Variants in ZNF488 observed in about 807,000 individuals in gnomAD.
The protein encoded by ZNF488 is zinc finger protein 488.
Under a neutral mutation model 1.2 loss-of-function variants are expected in ZNF488, and 1 was observed. The observed-to-expected ratio is 0.86, with a 90% CI of 0.30 to 4.07. ZNF488 has a LOEUF of 4.07. Among genes scored for constraint, ZNF488 ranks in the 30% most tolerant of loss-of-function variants. ZNF488 has a pLI of 0.18. For missense variants in ZNF488, 450 were observed against 437.9 expected (o/e 1.03, Z -0.25); for synonymous variants, 185 against 190.1 (o/e 0.97, Z 0.22).
intron 1 of ZNF488, among the ~76,000 whole-genome samples, chr10:47,369,926 T>A (rs1837403173): frequency 6.6e-6 from 1 of 152,180 alleles, no homozygotes; most frequent in Admixed American, 6.5e-5. Flanking sequence ...CACCTTCACA[T>A]CTGTAGTACT....
At position 47,366,758 on chromosome 10, in the gene ZNF488, G is replaced by A. The variant is rs1555212858; in HGVS notation, c.*1049C>T. On this transcript the variant is annotated 3_prime_UTR_variant, in exon 2 of 2. Transcript: ENST00000585316. ...AGAATGCTCCCCAGCCTCACGATCTGGAAGCCTAGTTTTTGCACATGTCCT... is the reference window on the plus strand; with the variant it reads ...AGAATGCTCCCCAGCCTCACGATCTAGAAGCCTAGTTTTTGCACATGTCCT... 1 of 167,060 alleles carries A rather than the reference G, an allele frequency of 6.0e-6. No individual in the cohort carries two copies. Among genetic ancestry groups the A allele is most frequent in the Non-Finnish European group, 1.5e-5 (1 of 68,116 alleles). 10.3% of individuals were successfully genotyped at this position (167,060 alleles called of 1,614,324 possible). A position where few individuals can be genotyped will look rare whatever the true frequency, so the allele number is the denominator to read the frequency against.
intron 1 of ZNF488, among the ~76,000 whole-genome samples, chr10:47,378,159 C>T (rs1837764525): frequency 1.3e-5 from 2 of 152,232 alleles, no homozygotes; most frequent in South Asian, 4.1e-4. Flanking sequence ...GATCCACTCG[C>T]TTCTCTGCTC....
At position 47,367,785 on chromosome 10, in the gene ZNF488, C is replaced by T; in HGVS notation, c.*22G>A. On this transcript the variant is annotated 3_prime_UTR_variant, in exon 2 of 2. Transcript: ENST00000585316. ...GCCAAAGGCTGGCTGCTGCACCCAG[C>T]AGGTCATTCTGCGGTCACCTGCTAG... The T allele has an allele frequency of 6.3e-7, 1 of 1,590,696 alleles. No individual in the cohort carries two copies. The highest frequency in any genetic ancestry group is 8.6e-7 in the Non-Finnish European group (1 of 1,168,778).
intron 1 of ZNF488, among the ~76,000 whole-genome samples, chr10:47,377,399 T>G (rs1179481517): frequency 6.6e-6 from 1 of 152,156 alleles, no homozygotes; most frequent in Non-Finnish European, 1.5e-5. Context: ...CATAACCTTC[T>G]AATTAATTCC....
In ZNF488 at chr10:47,368,513, G is replaced by C. The variant is rs12251609; in HGVS notation, c.317C>G (p.Pro106Arg). 7 of 1,613,704 alleles carry C rather than the reference G, an allele frequency of 4.3e-6. No individual in the cohort carries two copies. Among genetic ancestry groups the C allele is most frequent in the Admixed American group, 3.3e-5 (2 of 60,002 alleles). The stretch of plus-strand genomic sequence containing the variant: ...ATCCACCTGCCGGTCCTTCATCCTC[G>C]GCAGCTCCGTGAAGGCGCTCTGCCT... Reference protein sequence around the residue: ...EQRQSAFTELPRMKDRQVDAQ... With the variant: ...EQRQSAFTELRRMKDRQVDAQ... Residue 106 changes from proline (P) to arginine (R), a missense_variant, in exon 2 of 2, where the codon CCG (proline) becomes CGG (arginine). Physicochemically the swap from Pro to Arg is moderately radical, Grantham distance 103. Transcript: ENST00000585316.
chr10:47,367,748 G>A lies in ZNF488; in HGVS notation c.*59C>T. 1.9e-6 allele frequency: 3 copies of A among 1,547,152 alleles called. No individual in the cohort carries two copies. Among genetic ancestry groups the A allele is most frequent in the Non-Finnish European group, 2.6e-6 (3 of 1,146,724 alleles). The stretch of plus-strand genomic sequence containing the variant: ...ACAGCCCCCTCAACGCAGGCCCAGG[G>A]AGCCCCCCTCTGCCAAAGGCTGGCT... On this transcript the variant is annotated 3_prime_UTR_variant, in exon 2 of 2. Coordinates refer to ENST00000585316, the MANE Select transcript of ZNF488 (RefSeq NM_153034.4).
intron 1 of ZNF488, among the ~76,000 whole-genome samples, chr10:47,375,543 A>AT (rs1313363522): frequency 6.6e-6 from 1 of 152,244 alleles, no homozygotes; most frequent in Non-Finnish European, 1.5e-5. Flanking sequence ...TTAAACTGAA[A>AT]TTTTTGTCTT....
In ZNF488 at chr10:47,368,579, C is replaced by A. The variant is rs782281616; in HGVS notation, c.251G>T (p.Arg84Leu). 9 of 1,611,156 alleles carry A rather than the reference C, an allele frequency of 5.6e-6. No individual in the cohort carries two copies. The African/African-American group carries it at 1.1e-4, about 19-fold the overall frequency. ...CTTCGGGGGCAGCGGCTTGCCAGGT[C>A]GGGGCTTGCCTGGGGCTACCAACAG... ...LALLVAPGKP[R>L]PGKPLPPKTR... Residue 84 changes from arginine (R) to leucine (L), a missense_variant, in exon 2 of 2, where the codon CGA becomes CTA. Transcript: ENST00000585316.
chr10:47,375,384 C>T (rs527743131), intron 1 of ZNF488, among the ~76,000 whole-genome samples: 1 of 152,230 alleles, frequency 6.6e-6, no homozygotes, highest in Non-Finnish European at 1.5e-5. Flanking sequence ...CCTCATGCCA[C>T]ATCCAGGGAT....
At chr10:47,382,296 T>C (rs1312028865) in intron 1 of ZNF488, among the ~76,000 whole-genome samples, 1 of 152,258 alleles carries the variant, frequency 6.6e-6, no homozygotes, top group Non-Finnish European at 1.5e-5. Context: ...AAAAAGTCCA[T>C]GATTTTACCT....
At chr10:47,379,498 T>C (rs74576053) in intron 1 of ZNF488, among the ~76,000 whole-genome samples, 13,913 of 121,942 alleles carry the variant, frequency 0.11, 447 homozygotes, top group South Asian at 0.15. Flanking sequence ...CTGGGGACCT[T>C]TCATCCCACC....
In ZNF488 at chr10:47,368,200, G is replaced by A. The variant is rs782809005; in HGVS notation, c.630C>T (p.Pro210=). Residue 210 remains proline (P), a synonymous_variant, in exon 2 of 2, where the codon CCC becomes CCT. Coordinates refer to ENST00000585316, the MANE Select transcript of ZNF488 (RefSeq NM_153034.4). The stretch of plus-strand genomic sequence containing the variant: ...TCCACAAATCACCAACCAAAAGCTT[G>A]GGAGTTGAAAGTCGACCCCAACAAG... ...DLACWGRLST[P]KLLVGDLWNL... 5.0e-6 allele frequency: 8 copies of A among 1,614,194 alleles called. No individual in the cohort carries two copies. The highest frequency in any genetic ancestry group is 6.8e-6 in the Non-Finnish European group (8 of 1,180,038).
intron 1 of ZNF488, among the ~76,000 whole-genome samples, chr10:47,376,565 T>A (rs1290502040): frequency 1.3e-5 from 2 of 152,082 alleles, no homozygotes; most frequent in Non-Finnish European, 2.9e-5. Flanking sequence ...TGACATCCAT[T>A]TGCACTCATA....
intron 1 of ZNF488, among the ~76,000 whole-genome samples, chr10:47,383,324 G>C (rs1401350586): frequency 1.3e-5 from 2 of 152,302 alleles, no homozygotes; most frequent in African/African-American, 4.8e-5. Context: ...GAAATTTACT[G>C]TTAATTTCTT....
intron 1 of ZNF488, among the ~76,000 whole-genome samples, 152 bp from the exon 2 acceptor site, chr10:47,369,089 A>G (rs1326574995): frequency 2.6e-5 from 4 of 152,206 alleles, no homozygotes; most frequent in Non-Finnish European, 5.9e-5. Flanking sequence ...TCAGGAGACA[A>G]GGAGCATGGA....
rs149252316 is a variant in ZNF488, at chr10:47,368,703, G to A, written c.127C>T (p.Arg43Trp). The change falls in exon 2 of 2, where the codon CGG becomes TGG. Residue 43 changes from arginine (R) to tryptophan (W), a missense_variant. Arg to Trp is a moderately radical substitution (Grantham distance 101). Coordinates refer to ENST00000585316, the MANE Select transcript of ZNF488 (RefSeq NM_153034.4). ...RWRLSEPELG[R>W]GCKPVLLEKT... ...TCGAGCAGCACTGGCTTGCAGCCCC[G>A]GCCCAGCTCAGGTTCGCTAAGTCGC... is the stretch of plus-strand genomic sequence containing the variant. 9.9e-6 allele frequency: 16 copies of A among 1,612,806 alleles called. No individual in the cohort carries two copies. Among genetic ancestry groups the A allele is most frequent in the Admixed American group, 5.0e-5 (3 of 60,014 alleles).
rs191849215 is a variant in ZNF488 at position 47,366,348 on chromosome 10, G to A, written c.*1459C>T. The A allele has an allele frequency of 1.4e-4, 23 of 167,492 alleles. No homozygotes were observed. Among genetic ancestry groups the A allele is most frequent in the Admixed American group, 5.2e-4 (8 of 15,298 alleles). The allele number at this position is 167,492 out of a possible 1,614,324, so 10.4% of individuals were successfully genotyped here. On this transcript the variant is annotated 3_prime_UTR_variant, in exon 2 of 2. Transcript: ENST00000585316. ...GGTGAGAGGCAGGAATGGAGGGAGCGAGGACATCAGAGCAGCCAGGTGGGA... is the reference window on the plus strand; with the variant it reads ...GGTGAGAGGCAGGAATGGAGGGAGCAAGGACATCAGAGCAGCCAGGTGGGA...
At chr10:47,376,387 G>C (rs782315638) in intron 1 of ZNF488, among the ~76,000 whole-genome samples, 6 of 152,204 alleles carry the variant, frequency 3.9e-5, no homozygotes, top group Non-Finnish European at 8.8e-5. Flanking sequence ...AATTCAGCGA[G>C]ACAGAGAGGA....
intron 1 of ZNF488, among the ~76,000 whole-genome samples, chr10:47,374,099 C>CT (rs1479621706): frequency 6.6e-6 from 1 of 152,208 alleles, no homozygotes; most frequent in Non-Finnish European, 1.5e-5. Context: ...TTCAGTGTTT[C>CT]TAGATGGCCT....
Sources: allele counts gnomAD v4.1 joint callset (sites outside exome capture counted in the v4.1 genomes callset), GRCh38; gene constraint gnomAD v4.1.1; transcripts MANE v1.5; gene names NCBI Gene and HGNC (gene_info 2026-07-23, HGNC 2026-07-21).